Variants in UNC79 observed in about 807,000 individuals in gnomAD.
The protein encoded by UNC79 is protein unc-79 homolog.
UNC79 carries 37 observed loss-of-function variants against 283.1 expected under a neutral mutation model. The ratio of observed to expected loss-of-function variants is 0.13; its 90% CI spans 0.10 to 0.17. UNC79 has a LOEUF of 0.17. Among genes scored for constraint, UNC79 ranks in the 10% least tolerant of loss-of-function variants. The pLI, the probability that UNC79 is intolerant of heterozygous loss-of-function variation, is 1.00. For missense variants in UNC79, 2,272 were observed against 3,211.1 expected, an observed-to-expected ratio of 0.71 and a Z score of 7.07; for synonymous variants, 1,107 against 1,200.2, an observed-to-expected ratio of 0.92 and a Z score of 1.61.
chr14:93,542,495 G>A (rs550772057), exon 14 of UNC79: 41 of 1,614,120 alleles, frequency 2.5e-5, no homozygotes, highest in East Asian at 1.8e-4. Context: ...GTGAGAACAC[G>A]CCTACAGAAA....
chr14:93,572,967 G>A (rs2063291305), intron 16 of UNC79, 151 bp downstream of exon 16: 3 of 892,476 alleles, frequency 3.4e-6, no homozygotes, highest in East Asian at 2.9e-5. Flanking sequence ...AGATAAATGA[G>A]TAAATTTCAA....
At chr14:93,348,260 T>C (rs769153319) in intron 1 of UNC79, 36 of 618,862 alleles carry the variant, frequency 5.8e-5, no homozygotes, top group Non-Finnish European at 7.6e-5. Flanking sequence ...GATGAATATT[T>C]TGCACTTTTT....
intron 1 of UNC79, among the ~76,000 whole-genome samples, chr14:93,384,128 A>G (rs186584701): frequency 9.5e-4 from 145 of 152,322 alleles, no homozygotes; most frequent in African/African-American, 3.3e-3. Context: ...TTGCTTCCAA[A>G]TGGATCTTAT....
At chr14:93,591,568 A>G (rs533619549) in intron 22 of UNC79, among the ~76,000 whole-genome samples, 10 of 152,268 alleles carry the variant, frequency 6.6e-5, no homozygotes, top group Non-Finnish European at 1.2e-4. Context: ...TACTGTGTTT[A>G]TCAATACCGT....
intron 1 of UNC79, among the ~76,000 whole-genome samples, chr14:93,422,058 G>A (rs528221653): frequency 6.6e-6 from 1 of 151,938 alleles, no homozygotes; most frequent in Admixed American, 6.5e-5. Context: ...ATTTTGCCAA[G>A]GTTAAGAACA....
intron 1 of UNC79, among the ~76,000 whole-genome samples, chr14:93,398,493 T>C (rs144762916): frequency 6.6e-6 from 1 of 152,258 alleles, no homozygotes; most frequent in East Asian, 1.9e-4. Context: ...GCCCAGGCAA[T>C]TGGTTCAGGA....
intron 26 of UNC79, among the ~76,000 whole-genome samples, chr14:93,609,321 C>T (rs1428603271): frequency 2.0e-5 from 3 of 152,264 alleles, no homozygotes; most frequent in African/African-American, 7.2e-5. Flanking sequence ...CTTGTAAGAA[C>T]GTTGACCATT....
intron 47 of UNC79, among the ~76,000 whole-genome samples, chr14:93,698,724 G>T (rs1326071626): frequency 6.6e-6 from 1 of 151,972 alleles, no homozygotes; most frequent in East Asian, 1.9e-4. Context: ...GACCTCAAGG[G>T]ATCTGCCCAC....
chr14:93,583,177 C>G (rs186245523), intron 20 of UNC79, among the ~76,000 whole-genome samples: 1 of 152,004 alleles, frequency 6.6e-6, no homozygotes, highest in East Asian at 1.9e-4. Context: ...CAAAATTAGC[C>G]AAGTGTGGTG....
chr14:93,604,667 TC>T (rs1308251758), intron 26 of UNC79, among the ~76,000 whole-genome samples: 1 of 152,246 alleles, frequency 6.6e-6, no homozygotes, highest in Non-Finnish European at 1.5e-5. Context: ...TATTTCTTGT[TC>T]ATTAATTCAC....
intron 3 of UNC79, among the ~76,000 whole-genome samples, chr14:93,476,130 AT>A (rs2057785344): frequency 6.6e-6 from 1 of 152,092 alleles, no homozygotes; most frequent in Non-Finnish European, 1.5e-5. Context: ...GAGGATCTGA[AT>A]TTTTAGCAAG....
intron 31 of UNC79, among the ~76,000 whole-genome samples, chr14:93,633,968 C>T (rs1408727778): frequency 2.0e-5 from 3 of 152,060 alleles, no homozygotes; most frequent in African/African-American, 2.4e-5. Flanking sequence ...TTTAGGACCA[C>T]CTCAGTTGCT....
chr14:93,538,692 G>A (rs1016897114), intron 12 of UNC79, among the ~76,000 whole-genome samples: 2 of 149,986 alleles, frequency 1.3e-5, no homozygotes, highest in Non-Finnish European at 2.9e-5. Context: ...ACAGGTGCGG[G>A]ACAACTCCAA....
At chr14:93,369,095 C>T (rs181385385) in intron 1 of UNC79, among the ~76,000 whole-genome samples, 33 of 152,256 alleles carry the variant, frequency 2.2e-4, no homozygotes, top group South Asian at 2.1e-4. Flanking sequence ...TGGAGGAAGA[C>T]GAGGCAATGA....
chr14:93,466,575 G>A (rs1015787477), intron 1 of UNC79, among the ~76,000 whole-genome samples: 1 of 152,132 alleles, frequency 6.6e-6, no homozygotes, highest in African/African-American at 2.4e-5. Context: ...GTGCTTCTAC[G>A]TCCCACACTT....
rs1410906914 is a variant in UNC79, at chr14:93,443,421, C to T, written c.22+12370C>T. ...TCAGTGCATACTCTTTTCTGTCTGA[C>T]TTCTTTTTTTTTTTTTTCTCAAGAC... On this transcript the variant is annotated intron_variant, in intron 1 of 48. Transcript: ENST00000555664. 7.2e-5 allele frequency among the ~76,000 whole-genome samples: 6 copies of T among 83,074 alleles called. No individual in the cohort carries two copies. The East Asian group carries it at 1.4e-3, about 19-fold the overall frequency. The allele number at this position is 83,074 out of a possible 152,430, so 54.5% of individuals were successfully genotyped here.
chr14:93,599,352 A>AAG (rs1491379268), intron 24 of UNC79, among the ~76,000 whole-genome samples: 3 of 90,150 alleles, frequency 3.3e-5, no homozygotes, highest in African/African-American at 1.4e-4. Context: ...CCACATACTT[A>AAG]AGTGTGTGTG....
chr14:93,571,557 G>T (rs1434471122), intron 14 of UNC79, among the ~76,000 whole-genome samples: 1 of 152,196 alleles, frequency 6.6e-6, no homozygotes, highest in African/African-American at 2.4e-5. Context: ...CAGACTTGAG[G>T]AATAAGAATG....
At chr14:93,526,393 G>A (rs867430373) in intron 8 of UNC79, among the ~76,000 whole-genome samples, 1 of 152,104 alleles carries the variant, frequency 6.6e-6, no homozygotes, top group South Asian at 2.1e-4. Context: ...ATAGTATGAT[G>A]TTTAAAAGTT....
Sources: allele counts gnomAD v4.1 joint callset (sites outside exome capture counted in the v4.1 genomes callset), GRCh38; gene constraint gnomAD v4.1.1; transcripts MANE v1.5; gene names NCBI Gene and HGNC (gene_info 2026-07-23, HGNC 2026-07-21).